Variants in SYN3 observed in about 807,000 individuals in gnomAD.
SYN3 encodes synapsin-3.
SYN3 carries 35 observed loss-of-function variants against 65.8 expected under a neutral mutation model. That is an observed-to-expected ratio of 0.53 (90% CI 0.41 to 0.70). The LOEUF is 0.70. Among genes scored for constraint, SYN3 ranks in the 30% least tolerant of loss-of-function variants. The probability of loss-of-function intolerance (pLI) is 0.00; values close to 1 mark genes in which losing one functional copy is unlikely to be tolerated. For missense variants in SYN3, 680 were observed against 749.0 expected, an observed-to-expected ratio of 0.91 and a Z score of 1.08; for synonymous variants, 270 against 292.9, an observed-to-expected ratio of 0.92 and a Z score of 0.80.
intron 6 of SYN3, among the ~76,000 whole-genome samples, chr22:32,863,705 C>G (rs1404620869): frequency 1.3e-5 from 2 of 152,170 alleles, no homozygotes; most frequent in Admixed American, 6.5e-5. Flanking sequence ...TATACAGGAT[C>G]TCATGAAATC....
rs143351529 is a variant in SYN3, at chr22:32,612,436, T to C, written c.712-15700A>G. Among the ~76,000 whole-genome samples the C allele has an allele frequency of 8.5e-5, 13 of 152,322 alleles. No individual in the cohort carries two copies. The East Asian group carries it at 2.3e-3, about 27-fold the overall frequency. ...ATTCAATTGCAGGACACTCAGTTGG[T>C]ATCCACAGAGAACTGGATAATCACT... On this transcript the variant is annotated intron_variant, in intron 6 of 13. Coordinates refer to ENST00000358763, the MANE Select transcript of SYN3 (RefSeq NM_003490.4).
intron 2 of SYN3, among the ~76,000 whole-genome samples, chr22:32,985,167 A>T (rs192651369): frequency 1.3e-5 from 2 of 152,322 alleles, no homozygotes; most frequent in East Asian, 3.9e-4. Flanking sequence ...CAGGGTTGTT[A>T]TGAGGATTAA....
At chr22:32,993,018 G>A (rs948528024) in intron 2 of SYN3, among the ~76,000 whole-genome samples, 7 of 152,064 alleles carry the variant, frequency 4.6e-5, no homozygotes, top group African/African-American at 1.4e-4. Flanking sequence ...CAAAGTGCCC[G>A]CAGAGCAAGG....
chr22:33,001,994 G>C (rs968229170), intron 2 of SYN3, among the ~76,000 whole-genome samples: 45 of 152,296 alleles, frequency 3.0e-4, no homozygotes, highest in African/African-American at 1.0e-3. Context: ...TTGGGATGAA[G>C]AGAGAGAGAA....
intron 1 of SYN3, among the ~76,000 whole-genome samples, chr22:33,032,646 A>C (rs921049959): frequency 6.7e-6 from 1 of 149,804 alleles, no homozygotes; most frequent in Non-Finnish European, 1.5e-5. Flanking sequence ...ATCCTGTTAA[A>C]TTTTTTTTTT....
chr22:32,963,321 A>T (rs2051721388), intron 3 of SYN3, among the ~76,000 whole-genome samples: 1 of 145,484 alleles, frequency 6.9e-6, no homozygotes. Flanking sequence ...TCCTGGCCTC[A>T]TGTGATCTGC....
At chr22:32,574,676 A>C (rs2858347) in intron 7 of SYN3, among the ~76,000 whole-genome samples, 41,945 of 151,892 alleles carry the variant, frequency 0.28, 6,239 homozygotes, top group East Asian at 0.53. Context: ...TGCCTCAGGG[A>C]CTTTGCCCTT....
intron 1 of SYN3, among the ~76,000 whole-genome samples, chr22:33,019,794 A>AT (rs2053531592): frequency 6.6e-6 from 1 of 151,942 alleles, no homozygotes; most frequent in African/African-American, 2.4e-5. Flanking sequence ...TAATGTTTGT[A>AT]TTTTTTGTAG....
intron 6 of SYN3, among the ~76,000 whole-genome samples, chr22:32,701,774 T>C (rs186912186): frequency 7.3e-4 from 111 of 152,284 alleles, no homozygotes; most frequent in Non-Finnish European, 1.1e-3. Context: ...CGCAGTGAGC[T>C]GTGGAACAAT....
At chr22:32,871,007 T>C (rs1046882012) in intron 4 of SYN3, among the ~76,000 whole-genome samples, 2 of 152,330 alleles carry the variant, frequency 1.3e-5, no homozygotes, top group South Asian at 2.1e-4. Flanking sequence ...ATAAATACAT[T>C]GTCCATGGCC....
intron 1 of SYN3, among the ~76,000 whole-genome samples, chr22:33,052,943 G>A (rs1342389391): frequency 6.6e-6 from 1 of 152,218 alleles, no homozygotes; most frequent in East Asian, 1.9e-4. Context: ...AGGGAGCATG[G>A]ATAGCTGTAT....
At chr22:32,925,866 C>CTTT (rs34649323) in intron 4 of SYN3, among the ~76,000 whole-genome samples, 87,370 of 132,468 alleles carry the variant, frequency 0.66, 31,228 homozygotes, top group Non-Finnish European at 0.79. Context: ...GATAGTTGTT[C>CTTT]TTTTTTTTTT....
chr22:32,641,500 C>T (rs969922947), intron 6 of SYN3, among the ~76,000 whole-genome samples: 10 of 148,224 alleles, frequency 6.7e-5, no homozygotes, highest in African/African-American at 5.0e-5. Flanking sequence ...CCCAGCTACT[C>T]GGGAGGCTGA....
intron 4 of SYN3, among the ~76,000 whole-genome samples, chr22:32,911,377 T>C (rs1011055140): frequency 6.6e-6 from 1 of 152,188 alleles, no homozygotes; most frequent in Admixed American, 6.5e-5. Context: ...CAATCCCCAC[T>C]TGGAGGACAC....
At chr22:32,635,963 G>C (rs1394348858) in intron 6 of SYN3, among the ~76,000 whole-genome samples, 4 of 152,124 alleles carry the variant, frequency 2.6e-5, no homozygotes, top group Non-Finnish European at 5.9e-5. Context: ...AAGATTTTTT[G>C]AACTTGAAAC....
intron 12 of SYN3, 21 bp from the exon 13 acceptor site, chr22:32,518,355 A>G (rs1410586274): frequency 5.0e-6 from 8 of 1,609,434 alleles, no homozygotes; most frequent in Admixed American, 1.7e-5. Context: ...AGAAAAAAAA[A>G]GGTTCAGTTC....
At chr22:32,780,925 CTTCCTTCCT>C (rs1434587631) in intron 6 of SYN3, among the ~76,000 whole-genome samples, 26 of 121,586 alleles carry the variant, frequency 2.1e-4, no homozygotes, top group African/African-American at 9.9e-4. Context: ...TCCTTCCTTC[CTTCCTTCCT>C]TTCCTTCCTT....
intron 5 of SYN3, 51 bp downstream of exon 5, chr22:32,868,915 G>T: frequency 6.3e-7 from 1 of 1,575,178 alleles, no homozygotes; most frequent in South Asian, 1.1e-5. Context: ...AGAGTGGGAG[G>T]CCACCCACTG....
At chr22:32,877,165 G>T (rs1468578225) in intron 4 of SYN3, among the ~76,000 whole-genome samples, 1 of 152,100 alleles carries the variant, frequency 6.6e-6, no homozygotes, top group Non-Finnish European at 1.5e-5. Context: ...TTGCTCCGAG[G>T]TCACTTCTAA....
Sources: gnomAD v4.1 joint callset for allele counts (sites outside exome capture counted in the v4.1 genomes callset) on GRCh38, gnomAD v4.1.1 for gene constraint, MANE v1.5 for transcripts, NCBI Gene and HGNC (gene_info 2026-07-23, HGNC 2026-07-21) for gene names.